Variants in AP3S1 observed in about 807,000 individuals in gnomAD.
AP3S1 encodes adaptor related protein complex 3 subunit sigma 1, also known as AP-3 complex subunit sigma-1.
Under a neutral mutation model 21.3 loss-of-function variants are expected in AP3S1, and 12 were observed. The ratio of observed to expected loss-of-function variants is 0.56; its 90% CI spans 0.36 to 0.91. The LOEUF (loss-of-function observed/expected upper bound fraction) is 0.91. Ranked by LOEUF, AP3S1 falls within the 40% of genes least tolerant of loss-of-function variation. The pLI, the probability that AP3S1 is intolerant of heterozygous loss-of-function variation, is 0.01. For missense variants in AP3S1, 116 were observed against 225.0 expected (o/e 0.52, Z 3.10); for synonymous variants, 48 against 78.4 (o/e 0.61, Z 2.05).
intron 5 of AP3S1, among the ~76,000 whole-genome samples, chr5:115,911,249 A>C (rs1336328177): frequency 6.6e-6 from 1 of 152,064 alleles, no homozygotes; most frequent in African/African-American, 2.4e-5. Flanking sequence ...TATGGAAAAG[A>C]GAGCTTCATG....
At chr5:115,905,897 G>C (rs558591972) in intron 5 of AP3S1, among the ~76,000 whole-genome samples, 1 of 152,234 alleles carries the variant, frequency 6.6e-6, no homozygotes, top group Non-Finnish European at 1.5e-5. Context: ...GCTCACGCCT[G>C]TAATCCCAGC....
At chr5:115,868,674 G>A (rs1439802503) in intron 2 of AP3S1, among the ~76,000 whole-genome samples, 2 of 151,890 alleles carry the variant, frequency 1.3e-5, no homozygotes, top group Non-Finnish European at 1.5e-5. Flanking sequence ...CTGAGCTCAG[G>A]AGTTCGAGAC....
chr5:115,851,291 G>A (rs181001078), intron 1 of AP3S1, among the ~76,000 whole-genome samples: 83 of 152,272 alleles, frequency 5.5e-4, no homozygotes, highest in African/African-American at 1.9e-3. Flanking sequence ...GAACATAGAT[G>A]TACTGATATC....
chr5:115,883,518 C>T (rs1024153924), intron 3 of AP3S1, among the ~76,000 whole-genome samples: 1 of 152,160 alleles, frequency 6.6e-6, no homozygotes, highest in Non-Finnish European at 1.5e-5. Context: ...TTCTGCTCAC[C>T]CTTTGTTGGC....
intron 3 of AP3S1, among the ~76,000 whole-genome samples, chr5:115,887,359 T>C: frequency 1.1e-4 from 1 of 9,168 alleles, no homozygotes; most frequent in Admixed American, 1.9e-3. Flanking sequence ...CATGTCAGTG[T>C]AACCCTTTTT....
intron 1 of AP3S1, chr5:115,852,900 TTTTTGGTTACTATGAATA>T: frequency 2.7e-6 from 1 of 374,314 alleles, no homozygotes; most frequent in South Asian, 2.1e-5. Context: ...TTGTTTCCAC[TTTTTGGTTACTATGAATA>T]ATGGTGCTAT....
chr5:115,900,958 G>T (rs1751156862), intron 4 of AP3S1, among the ~76,000 whole-genome samples: 1 of 152,172 alleles, frequency 6.6e-6, no homozygotes, highest in Non-Finnish European at 1.5e-5. Context: ...ACAGAGATCA[G>T]TGAGAGATCT....
At chr5:115,897,669 C>T (rs899940344) in intron 4 of AP3S1, among the ~76,000 whole-genome samples, 13 of 151,986 alleles carry the variant, frequency 8.6e-5, no homozygotes, top group African/African-American at 2.9e-4. Context: ...ACTCCATTCT[C>T]CTGCCTCAGC....
At chr5:115,843,604 T>C (rs1241702537) in intron 1 of AP3S1, among the ~76,000 whole-genome samples, 2 of 152,232 alleles carry the variant, frequency 1.3e-5, no homozygotes, top group Non-Finnish European at 2.9e-5. Flanking sequence ...TGAAGGAGTC[T>C]TTGTCATAAC....
chr5:115,853,902 A>G (rs1179020105), intron 1 of AP3S1, among the ~76,000 whole-genome samples: 1 of 152,174 alleles, frequency 6.6e-6, no homozygotes, highest in East Asian at 1.9e-4. Context: ...AAATTGGGAA[A>G]TATTTTAATA....
chr5:115,908,856 G>T, intron 5 of AP3S1: 1 of 374,832 alleles, frequency 2.7e-6, no homozygotes, highest in Non-Finnish European at 3.7e-6. Flanking sequence ...TTAAACTATT[G>T]ACATTTTCTT....
intron 1 of AP3S1, among the ~76,000 whole-genome samples, chr5:115,852,731 A>G (rs1762527463): frequency 6.6e-6 from 1 of 152,054 alleles, no homozygotes; most frequent in African/African-American, 2.4e-5. Flanking sequence ...CAGTCTTGTG[A>G]TTGGCTTCTT....
intron 5 of AP3S1, chr5:115,903,777 G>A (rs1269593627): frequency 6.6e-6 from 1 of 152,088 alleles, no homozygotes; most frequent in Non-Finnish European, 1.5e-5. Context: ...CTGTAGCTGA[G>A]CCACCTGGGT....
chr5:115,857,205 ATTGTCCT>A (rs1368813097), intron 1 of AP3S1, among the ~76,000 whole-genome samples: 4 of 152,240 alleles, frequency 2.6e-5, no homozygotes, highest in Non-Finnish European at 5.9e-5. Context: ...ATGAGATTTT[ATTGTCCT>A]TAGAATTGTA....
At chr5:115,876,987 A>G (rs1222352200) in intron 3 of AP3S1, among the ~76,000 whole-genome samples, 1 of 152,074 alleles carries the variant, frequency 6.6e-6, no homozygotes, top group African/African-American at 2.4e-5. Context: ...TGGTGCTAGT[A>G]TTTTTATGGG....
intron 1 of AP3S1, among the ~76,000 whole-genome samples, chr5:115,863,500 G>A (rs553235867): frequency 6.6e-6 from 1 of 152,232 alleles, no homozygotes; most frequent in South Asian, 2.1e-4. Flanking sequence ...TTGAACCCTG[G>A]AGGTGGGTTG....
intron 3 of AP3S1, among the ~76,000 whole-genome samples, chr5:115,881,566 G>T (rs1347898112): frequency 1.3e-5 from 2 of 152,200 alleles, no homozygotes; most frequent in Non-Finnish European, 2.9e-5. Context: ...TCTACAGAGA[G>T]ATCTGCTGTT....
intron 2 of AP3S1, among the ~76,000 whole-genome samples, chr5:115,867,393 A>G (rs1023761881): frequency 1.3e-5 from 2 of 152,170 alleles, no homozygotes; most frequent in Admixed American, 1.3e-4. Context: ...CTATTTTTAA[A>G]ATGAATAAGA....
intron 4 of AP3S1, among the ~76,000 whole-genome samples, chr5:115,897,822 A>G (rs999788423): frequency 5.3e-5 from 8 of 152,056 alleles, no homozygotes; most frequent in African/African-American, 1.9e-4. Context: ...TCGGCCTCCC[A>G]AAGTGCTGGG....
Sources: gnomAD v4.1 joint callset for allele counts (sites outside exome capture counted in the v4.1 genomes callset) on GRCh38, gnomAD v4.1.1 for gene constraint, MANE v1.5 for transcripts, NCBI Gene and HGNC (gene_info 2026-07-23, HGNC 2026-07-21) for gene names.